The following SDK1 variants were observed in gnomAD, a reference collection of about 807,000 sequenced individuals.
The protein encoded by SDK1 is protein sidekick-1.
SDK1 carries 157 observed loss-of-function variants against 245.5 expected under a neutral mutation model. The ratio of observed to expected loss-of-function variants is 0.64; its 90% confidence interval spans 0.56 to 0.73. The LOEUF (loss-of-function observed/expected upper bound fraction) is 0.73, where lower values mean the gene tolerates loss of function less well. Among genes scored for constraint, SDK1 ranks in the 30% least tolerant of loss-of-function variants. The pLI is 0.00. For synonymous variants in SDK1, 1,647 were observed against 1,278.5 expected (o/e 1.29, Z -6.15); for missense variants, 3,583 against 3,002.3 (o/e 1.19, Z -4.52).
At chr7:3,495,070 G>C (rs1037904678) in intron 1 of SDK1, among the ~76,000 whole-genome samples, 5 of 151,878 alleles carry the variant, frequency 3.3e-5, no homozygotes, top group African/African-American at 1.2e-4. Flanking sequence ...TGTTACTCTG[G>C]GGTATTCCCT....
At chr7:3,646,507 A>G (rs1173039083) in intron 4 of SDK1, among the ~76,000 whole-genome samples, 1 of 152,268 alleles carries the variant, frequency 6.6e-6, no homozygotes, top group African/African-American at 2.4e-5. Context: ...AGTTATCAGA[A>G]TGGAAGATTA....
intron 1 of SDK1, among the ~76,000 whole-genome samples, chr7:3,373,248 C>T (rs1254450289): frequency 3.3e-5 from 5 of 152,154 alleles, no homozygotes; most frequent in Non-Finnish European, 5.9e-5. Flanking sequence ...TCACCTAACA[C>T]GAATCCTGTC....
chr7:4,068,885 C>G (rs895410340), intron 20 of SDK1, among the ~76,000 whole-genome samples: 3 of 152,010 alleles, frequency 2.0e-5, no homozygotes, highest in Admixed American at 6.5e-5. Context: ...CCATACCTGG[C>G]TAATTTTTGT....
intron 1 of SDK1, among the ~76,000 whole-genome samples, chr7:3,322,345 A>T (rs554149495): frequency 1.7e-4 from 26 of 152,288 alleles, no homozygotes; most frequent in African/African-American, 5.8e-4. Context: ...ATAATATTCC[A>T]TTGTATGTAT....
chr7:4,147,044 C>T (rs1780031967), intron 29 of SDK1, among the ~76,000 whole-genome samples: 1 of 152,230 alleles, frequency 6.6e-6, no homozygotes, highest in Non-Finnish European at 1.5e-5. Flanking sequence ...AGGACCCTCA[C>T]CTCAGCAGCC....
In SDK1 at chr7:3,987,272, T is replaced by C; in HGVS notation, c.2081T>C (p.Phe694Ser). 1.2e-6 allele frequency: 2 copies of C among 1,614,140 alleles called. No individual in the cohort carries two copies. Among genetic ancestry groups the C allele is most frequent in the Non-Finnish European group, 1.7e-6 (2 of 1,179,994 alleles). The change falls in exon 14 of 45, where the codon TTT becomes TCT. Residue 694 changes from phenylalanine (F) to serine (S), a missense_variant. By Grantham distance (155) the Phe-to-Ser change is radical. Coordinates refer to ENST00000404826, the MANE Select transcript of SDK1 (RefSeq NM_152744.4). ...HAVVLSWVRP[F>S]DGNSPILYYI... ...GTGGTGCTCTCTTGGGTCCGGCCCT[T>C]TGATGGAAACAGTCCTATTCTTTAT...
At chr7:3,390,436 A>C (rs181228558) in intron 1 of SDK1, among the ~76,000 whole-genome samples, 2 of 152,228 alleles carry the variant, frequency 1.3e-5, no homozygotes, top group Non-Finnish European at 2.9e-5. Context: ...CTTATTGTGC[A>C]CAATTGATCT....
intron 5 of SDK1, among the ~76,000 whole-genome samples, chr7:3,828,058 A>T (rs992759419): frequency 3.3e-5 from 5 of 152,174 alleles, no homozygotes; most frequent in African/African-American, 1.2e-4. Flanking sequence ...TGGGCGGATC[A>T]CCTGAGGTCA....
At chr7:3,745,596 T>C (rs960279417) in intron 4 of SDK1, among the ~76,000 whole-genome samples, 1 of 152,132 alleles carries the variant, frequency 6.6e-6, no homozygotes, top group Non-Finnish European at 1.5e-5. Flanking sequence ...ACGCATAGAT[T>C]CATTTAATCG....
intron 4 of SDK1, among the ~76,000 whole-genome samples, chr7:3,794,694 C>T (rs1401253806): frequency 6.6e-6 from 1 of 152,114 alleles, no homozygotes; most frequent in African/African-American, 2.4e-5. Flanking sequence ...GTCCCTCGAC[C>T]TTGGACTTCT....
intron 1 of SDK1, among the ~76,000 whole-genome samples, chr7:3,391,328 C>G (rs890601676): frequency 6.6e-6 from 1 of 152,142 alleles, no homozygotes; most frequent in African/African-American, 2.4e-5. Flanking sequence ...CACACATGAC[C>G]TTGGTTCCAT....
At chr7:3,563,802 T>TAAG (rs1272225589) in intron 1 of SDK1, among the ~76,000 whole-genome samples, 1 of 152,172 alleles carries the variant, frequency 6.6e-6, no homozygotes, top group Non-Finnish European at 1.5e-5. Flanking sequence ...TTATGCCATA[T>TAAG]AAGAAGCCTC....
intron 1 of SDK1, among the ~76,000 whole-genome samples, chr7:3,432,154 T>C (rs889087631): frequency 1.4e-5 from 2 of 147,916 alleles, no homozygotes; most frequent in Admixed American, 6.8e-5. Flanking sequence ...ATTTAAAAAA[T>C]ATATATTTTT....
chr7:3,530,106 C>G (rs1783291168), intron 1 of SDK1, among the ~76,000 whole-genome samples: 2 of 152,026 alleles, frequency 1.3e-5, no homozygotes, highest in African/African-American at 4.8e-5. Flanking sequence ...AATTATGTCC[C>G]TAAACCTAGC....
chr7:3,315,450 A>G (rs1779641291), intron 1 of SDK1, among the ~76,000 whole-genome samples: 2 of 152,134 alleles, frequency 1.3e-5, no homozygotes, highest in Admixed American at 1.3e-4. Context: ...TCCTCTCCAC[A>G]TGAACAGCCC....
chr7:3,839,017 G>A (rs558573802), intron 5 of SDK1, among the ~76,000 whole-genome samples: 1 of 152,256 alleles, frequency 6.6e-6, no homozygotes, highest in Non-Finnish European at 1.5e-5. Context: ...CTAGAGCAGG[G>A]ATCTTCACGT....
intron 1 of SDK1, among the ~76,000 whole-genome samples, chr7:3,386,220 G>T (rs190628070): frequency 1.1e-3 from 170 of 152,230 alleles, no homozygotes; most frequent in Non-Finnish European, 2.0e-3. Context: ...TGTAGTGTAA[G>T]GTTAGTGATA....
At chr7:3,306,339 T>A (rs968489802) in intron 1 of SDK1, among the ~76,000 whole-genome samples, 1 of 152,218 alleles carries the variant, frequency 6.6e-6, no homozygotes, top group African/African-American at 2.4e-5. Context: ...TTTTCTTTCA[T>A]AACATAACAT....
chr7:3,878,311 C>T (rs951989115), intron 5 of SDK1, among the ~76,000 whole-genome samples: 6 of 152,130 alleles, frequency 3.9e-5, no homozygotes, highest in Non-Finnish European at 7.4e-5. Context: ...ACGAGGTCAG[C>T]AGATCAAGAC....
Sources: gnomAD v4.1 joint callset for allele counts (sites outside exome capture counted in the v4.1 genomes callset) on GRCh38, gnomAD v4.1.1 for gene constraint, MANE v1.5 for transcripts, NCBI Gene and HGNC (gene_info 2026-07-23, HGNC 2026-07-21) for gene names.